Variants in UNC45B observed in about 807,000 individuals in gnomAD.
The protein encoded by UNC45B is protein unc-45 homolog B.
In UNC45B, 78 loss-of-function variants were observed where a neutral mutation model predicts 98.7. The ratio of observed to expected loss-of-function variants is 0.79; its 90% CI spans 0.66 to 0.95. The LOEUF is 0.95. UNC45B is among the 40% of genes least tolerant of loss of function. The pLI is 0.00. For missense variants in UNC45B, 1,225 were observed against 1,184.9 expected (o/e 1.03, Z -0.50); for synonymous variants, 462 against 480.4 (o/e 0.96, Z 0.50).
chr17:35,166,363 A>T (rs74340088), intron 9 of UNC45B, among the ~76,000 whole-genome samples: 1 of 152,106 alleles, frequency 6.6e-6, no homozygotes, highest in African/African-American at 2.4e-5. Context: ...ACTTTGGTTC[A>T]CTTAGGTCTT....
At chr17:35,149,951 A>T in intron 3 of UNC45B, 97 bp from the exon 4 acceptor site, 1 of 1,301,156 alleles carries the variant, frequency 7.7e-7, no homozygotes. Context: ...AAGACACAGA[A>T]ACGAAGCAAG....
In UNC45B at chr17:35,150,106, G is replaced by A; in HGVS notation, c.264G>A (p.Glu88=). The A allele has an allele frequency of 6.2e-7, 1 of 1,613,522 alleles. No homozygotes were observed. The highest frequency in any genetic ancestry group is 1.1e-5 in the South Asian group (1 of 90,954). Residue 88 remains glutamate, a synonymous_variant, in exon 4 of 20, where the codon GAG becomes GAA. Coordinates refer to ENST00000394570, the MANE Select transcript of UNC45B (RefSeq NM_001267052.2). ...TGTATCGGCGATGCCAGGCACTGGA[G>A]CACCTGGGGAAGCTGGACCAGGCCT... The part of the protein sequence containing the change: ...KALYRRCQAL[E]HLGKLDQAFK...
chr17:35,154,460 G>T, intron 5 of UNC45B, 114 bp from the exon 6 acceptor site: 1 of 978,830 alleles, frequency 1.0e-6, no homozygotes, highest in Non-Finnish European at 1.5e-6. Context: ...TGAGATAATA[G>T]AACAATGTTC....
chr17:35,151,720 C>T (rs2142530059), intron 4 of UNC45B, among the ~76,000 whole-genome samples: 1 of 152,328 alleles, frequency 6.6e-6, no homozygotes, highest in Middle Eastern at 3.4e-3. Context: ...GTCCAGGGTG[C>T]AGACTCAAGG....
rs746858946 is a variant in UNC45B, at chr17:35,154,580, A to G, written c.478A>G (p.Asn160Asp). ...TTGCCTCTTCCTCCTTCAGGCTGCCAACAATCTCATTGTCCTAGGCCGTGA... is the reference window on the plus strand; with the variant it reads ...TTGCCTCTTCCTCCTTCAGGCTGCCGACAATCTCATTGTCCTAGGCCGTGA... ...SEADKREKAA[N>D]NLIVLGREEA... Residue 160 changes from asparagine to aspartate, a missense_variant, in exon 6 of 20, where the codon AAC (asparagine) becomes GAC (aspartate). By Grantham distance (23) the Asn-to-Asp change is conservative. Transcript: ENST00000394570. 1.9e-6 allele frequency: 3 copies of G among 1,612,756 alleles called. No homozygotes were observed. Among genetic ancestry groups the G allele is most frequent in the Non-Finnish European group, 1.7e-6 (2 of 1,179,516 alleles).
intron 1 of UNC45B, 35 bp downstream of exon 1, chr17:35,147,945 G>GC: frequency 3.1e-6 from 1 of 326,472 alleles, no homozygotes; most frequent in Non-Finnish European, 5.8e-6. Flanking sequence ...CTGGACTGGG[G>GC]AGGGAGACGG....
intron 16 of UNC45B, 70 bp from the exon 17 acceptor site, chr17:35,177,425 C>A: frequency 9.1e-7 from 1 of 1,102,434 alleles, no homozygotes; most frequent in Non-Finnish European, 1.3e-6. Context: ...TACAGCTGGT[C>A]ACCTATAAAT....
At chr17:35,179,316 A>G (rs903780068) in intron 17 of UNC45B, among the ~76,000 whole-genome samples, 3 of 152,218 alleles carry the variant, frequency 2.0e-5, no homozygotes, top group Non-Finnish European at 4.4e-5. Flanking sequence ...TGTTGGTAGC[A>G]GTTGTGAATG....
intron 18 of UNC45B, among the ~76,000 whole-genome samples, chr17:35,181,419 C>T (rs1255277786): frequency 5.3e-5 from 8 of 152,154 alleles, no homozygotes; most frequent in Non-Finnish European, 1.2e-4. Flanking sequence ...TAGGGGCTAG[C>T]GTGAGACCCA....
intron 12 of UNC45B, 81 bp from the exon 13 acceptor site, chr17:35,171,241 C>A: frequency 6.4e-7 from 1 of 1,560,514 alleles, no homozygotes; most frequent in South Asian, 1.2e-5. Flanking sequence ...CTGCCGGCCA[C>A]GTGAGGGAGC....
chr17:35,150,789 G>T (rs1021184636), intron 4 of UNC45B, among the ~76,000 whole-genome samples: 1 of 149,706 alleles, frequency 6.7e-6, no homozygotes, highest in East Asian at 2.0e-4. Flanking sequence ...CCAGATGGAG[G>T]CTTAGAAATA....
At chr17:35,162,343 C>A (rs959016114) in intron 8 of UNC45B, among the ~76,000 whole-genome samples, 1 of 152,112 alleles carries the variant, frequency 6.6e-6, no homozygotes, top group African/African-American at 2.4e-5. Flanking sequence ...TGTAGGACAC[C>A]CATCCAGTGT....
At position 35,153,523 on chromosome 17, in the gene UNC45B, GA is replaced by G. The variant is rs928467366; in HGVS notation, c.471+548del. Among the ~76,000 whole-genome samples, 45 of 151,520 alleles carry G rather than the reference GA, an allele frequency of 3.0e-4. 1 individual carries two copies. Among genetic ancestry groups the G allele is most frequent in the Non-Finnish European group, 4.1e-4 (28 of 67,886 alleles). ...GTTTCCTTCTAGTGTTTCTGCAGGGGAAAAAAATTGAACATTCGAGTGTTTT... is the reference window on the plus strand; with the variant it reads ...GTTTCCTTCTAGTGTTTCTGCAGGGGAAAAAATTGAACATTCGAGTGTTTT... On this transcript the variant is annotated intron_variant, in intron 5 of 19. Transcript: ENST00000394570.
intron 8 of UNC45B, among the ~76,000 whole-genome samples, chr17:35,160,758 T>C (rs1327127860): frequency 1.6e-4 from 25 of 152,218 alleles, no homozygotes; most frequent in Non-Finnish European, 5.9e-5. Flanking sequence ...TTTCCTTTCA[T>C]GTGTTCTAGC....
intron 19 of UNC45B, 105 bp from the exon 20 acceptor site, chr17:35,186,194 G>T: frequency 6.8e-7 from 1 of 1,460,340 alleles, no homozygotes. Context: ...CCTCTTAAAG[G>T]ACCCACCTCC....
chr17:35,154,545 G>A (rs372692047), intron 5 of UNC45B, 29 bp from the exon 6 acceptor site: 44 of 1,605,072 alleles, frequency 2.7e-5, no homozygotes, highest in East Asian at 2.3e-4. Flanking sequence ...TACCTCCCTC[G>A]TAACCCTTAT....
chr17:35,154,547 A>C, intron 5 of UNC45B, 27 bp from the exon 6 acceptor site: 1 of 1,606,166 alleles, frequency 6.2e-7, no homozygotes. Flanking sequence ...CCTCCCTCGT[A>C]ACCCTTATTG....
In UNC45B at chr17:35,164,075, C is replaced by T. The variant is rs971006993; in HGVS notation, c.1060C>T (p.Leu354=). ...CLPLTDNTRM[L]ASILINKLYD... is the part of the protein sequence containing the mutation. Reference sequence around the variant, plus strand: ...GCCCCTGACTGACAACACCCGCATGCTGGCCTCTATCCTCATCAACAAGCT... The same window carrying T: ...GCCCCTGACTGACAACACCCGCATGTTGGCCTCTATCCTCATCAACAAGCT... Residue 354 remains leucine (L), a synonymous_variant, in exon 9 of 20, where the codon CTG becomes TTG. Transcript: ENST00000394570. 5 of 1,614,130 alleles carry T rather than the reference C, an allele frequency of 3.1e-6. No individual in the cohort carries two copies. In the South Asian group the frequency reaches 4.4e-5, roughly 14 times the overall value.
intron 10 of UNC45B, among the ~76,000 whole-genome samples, chr17:35,168,986 C>T (rs917519721): frequency 3.9e-5 from 6 of 151,976 alleles, no homozygotes; most frequent in Admixed American, 2.6e-4. Context: ...GGATTACAGG[C>T]GTGAGCCACT....
Sources: gnomAD v4.1 joint callset for allele counts (sites outside exome capture counted in the v4.1 genomes callset) on GRCh38, gnomAD v4.1.1 for gene constraint, MANE v1.5 for transcripts, NCBI Gene and HGNC (gene_info 2026-07-23, HGNC 2026-07-21) for gene names.